The following TIMM13 variants were observed in gnomAD, a reference collection of about 807,000 sequenced individuals.
TIMM13 encodes translocase of inner mitochondrial membrane 13.
In TIMM13, 8 loss-of-function variants were observed where a neutral mutation model predicts 10.9. The observed-to-expected ratio is 0.73, with a 90% confidence interval of 0.43 to 1.32. The LOEUF is 1.32. TIMM13 is among the 40% of genes most tolerant of loss of function. The pLI is 0.01. For synonymous variants in TIMM13, 68 were observed against 52.5 expected, an observed-to-expected ratio of 1.30 and a Z score of -1.28; for missense variants, 147 against 132.8, an observed-to-expected ratio of 1.11 and a Z score of -0.53.
rs772769824 is a variant in TIMM13, at chr19:2,425,974, G to C, written c.*974C>G. Reference sequence around the variant, plus strand: ...CCTGCAGGGAGCCCTCTGGACGGTGGGTGCTAACTGGGGTCACTAGCTGGG... The same window carrying C: ...CCTGCAGGGAGCCCTCTGGACGGTGCGTGCTAACTGGGGTCACTAGCTGGG... On this transcript the variant is annotated 3_prime_UTR_variant, in exon 3 of 3. Coordinates refer to ENST00000215570, the MANE Select transcript of TIMM13 (RefSeq NM_012458.4). 5.6e-6 allele frequency: 9 copies of C among 1,607,242 alleles called. No homozygotes were observed. The Admixed American group carries it at 1.6e-4, about 28-fold the overall frequency.
rs1222600044 is a variant in TIMM13 at position 2,425,886 on chromosome 19, A to C, written c.*1062T>G. On this transcript the variant is annotated 3_prime_UTR_variant, in exon 3 of 3. Coordinates refer to ENST00000215570, the MANE Select transcript of TIMM13 (RefSeq NM_012458.4). ...AATGACCCAAGGGCTGCTGTAGGGGAGGTACCGGCCTCTGAACCCCCTTTC... is the reference window on the plus strand; with the variant it reads ...AATGACCCAAGGGCTGCTGTAGGGGCGGTACCGGCCTCTGAACCCCCTTTC... 6.5e-7 allele frequency: 1 copy of C among 1,545,814 alleles called. No individual in the cohort carries two copies. Among genetic ancestry groups the C allele is most frequent in the Non-Finnish European group, 8.7e-7 (1 of 1,153,540 alleles).
Position 2,426,884 on chromosome 19 carries a change from C to G in TIMM13, c.*64G>C, listed in dbSNP as rs1269143842. On this transcript the variant is annotated 3_prime_UTR_variant, in exon 3 of 3. Transcript: ENST00000215570. The stretch of plus-strand genomic sequence containing the variant: ...GCCCCGGGCAGGCAGTACGTACATG[C>G]GGACCCCGCCTCTCAAAGCACGTTT... 2 of 1,492,466 alleles carry G rather than the reference C, an allele frequency of 1.3e-6. No homozygotes were observed. Among genetic ancestry groups the G allele is most frequent in the East Asian group, 4.9e-5 (2 of 40,560 alleles). The allele number at this position is 1,492,466 out of a possible 1,614,324, so 92.5% of individuals were successfully genotyped here.
Position 2,426,179 on chromosome 19 carries a change from G to C in TIMM13, c.*769C>G. On this transcript the variant is annotated 3_prime_UTR_variant, in exon 3 of 3. Transcript: ENST00000215570. ...CCCCACCCCACCGTACCCTACCCAAGGACGGGTGTGGGGGGGCTGTGGGTC... is the reference window on the plus strand; with the variant it reads ...CCCCACCCCACCGTACCCTACCCAACGACGGGTGTGGGGGGGCTGTGGGTC... 1 of 1,015,044 alleles carries C rather than the reference G, an allele frequency of 9.9e-7. No individual in the cohort carries two copies. The allele number at this position is 1,015,044 out of a possible 1,614,324, so 62.9% of individuals were successfully genotyped here. A position where few individuals can be genotyped will look rare whatever the true frequency, so the allele number is the denominator to read the frequency against.
At position 2,427,332 on chromosome 19, in the gene TIMM13, G is replaced by A. The variant is rs763295752; in HGVS notation, c.121-8C>T. 1.2e-6 allele frequency: 2 copies of A among 1,613,276 alleles called. No individual in the cohort carries two copies. Among genetic ancestry groups the A allele is most frequent in the Non-Finnish European group, 1.7e-6 (2 of 1,179,782 alleles). On this transcript the variant is annotated splice_region_variant and splice_polypyrimidine_tract_variant and intron_variant, in intron 1 of 2. Coordinates refer to ENST00000215570, the MANE Select transcript of TIMM13 (RefSeq NM_012458.4). The stretch of plus-strand genomic sequence containing the variant: ...ACACTTGTCCGTCATCCTCTGTGGA[G>A]ACACGCGAGGCTTTAGCCGCGACGT...
Position 2,425,856 on chromosome 19 carries a change from G to A in TIMM13, c.*1092C>T. ...GAAGTCACTAGGGTCACTCCTAGAG[G>A]GGCCAATGACCCAAGGGCTGCTGTA... is the stretch of plus-strand genomic sequence containing the variant. On this transcript the variant is annotated 3_prime_UTR_variant, in exon 3 of 3. Transcript: ENST00000215570. 3.3e-6 allele frequency: 5 copies of A among 1,505,136 alleles called. No individual in the cohort carries two copies. Among genetic ancestry groups the A allele is most frequent in the South Asian group, 2.7e-5 (2 of 75,150 alleles). 93.2% of individuals were successfully genotyped at this position (1,505,136 alleles called of 1,614,324 possible). A position where few individuals can be genotyped will look rare whatever the true frequency, so the allele number is the denominator to read the frequency against.
Position 2,427,285 on chromosome 19 carries a change from G to A in TIMM13, c.160C>T (p.Pro54Ser). ...DKCFRKCIGK[P>S]GGSLDNSEQK... ...TCGGAGTTGTCCAGGGAGCCCCCAG[G>A]TTTCCCTATACACTTCCGGAAACAC... The change falls in exon 2 of 3, where the codon CCT becomes TCT. Residue 54 changes from proline to serine, a missense_variant. By Grantham distance (74) the Pro-to-Ser change is moderately conservative (BLOSUM62 -1). Transcript: ENST00000215570. The A allele has an allele frequency of 6.2e-7, 1 of 1,613,420 alleles. No homozygotes were observed. Among genetic ancestry groups the A allele is most frequent in the Non-Finnish European group, 8.5e-7 (1 of 1,179,824 alleles).
rs142721868 is a variant in TIMM13, at chr19:2,426,446, A to G, written c.*502T>C. On this transcript the variant is annotated 3_prime_UTR_variant, in exon 3 of 3. Transcript: ENST00000215570. ...CGTGACTCAGCAGCCCGGTGGCACT[A>G]AGGGGAAAGATGGACTTCTCCCAAC... 2,423 of 291,228 alleles carry G rather than the reference A, an allele frequency of 8.3e-3. 17 individuals are homozygous for G. Among genetic ancestry groups the G allele is most frequent in the Admixed American group, 0.015 (281 of 19,364 alleles). The allele number at this position is 291,228 out of a possible 1,614,324, so 18.0% of individuals were successfully genotyped here. A position where few individuals can be genotyped will look rare whatever the true frequency, so the allele number is the denominator to read the frequency against.
chr19:2,426,187 G>A lies in TIMM13; in HGVS notation c.*761C>T, dbSNP rs1010511923. The A allele has an allele frequency of 1.1e-6, 1 of 910,498 alleles. No individual in the cohort carries two copies. Among genetic ancestry groups the A allele is most frequent in the Non-Finnish European group, 1.4e-6 (1 of 701,264 alleles). The allele number at this position is 910,498 out of a possible 1,614,324, so 56.4% of individuals were successfully genotyped here. A position where few individuals can be genotyped will look rare whatever the true frequency, so the allele number is the denominator to read the frequency against. On this transcript the variant is annotated 3_prime_UTR_variant, in exon 3 of 3. Transcript: ENST00000215570. Reference sequence around the variant, plus strand: ...CACCGTACCCTACCCAAGGACGGGTGTGGGGGGGCTGTGGGTCATGGGGAT... The same window carrying A: ...CACCGTACCCTACCCAAGGACGGGTATGGGGGGGCTGTGGGTCATGGGGAT...
In TIMM13 at chr19:2,425,994, G is replaced by C. The variant is rs372105968; in HGVS notation, c.*954C>G. ...CGGTGGGTGCTAACTGGGGTCACTA[G>C]CTGGGGCTATGGCTGTGGCCGGCCC... is the stretch of plus-strand genomic sequence containing the variant. On this transcript the variant is annotated 3_prime_UTR_variant, in exon 3 of 3. Coordinates refer to ENST00000215570, the MANE Select transcript of TIMM13 (RefSeq NM_012458.4). 4.9e-5 allele frequency: 79 copies of C among 1,606,858 alleles called. No homozygotes were observed. The highest frequency in any genetic ancestry group is 6.1e-5 in the Non-Finnish European group (72 of 1,177,734).
In TIMM13 at chr19:2,426,156, C is replaced by T; in HGVS notation, c.*792G>A. 7.4e-7 allele frequency: 1 copy of T among 1,355,458 alleles called. No individual in the cohort carries two copies. Among genetic ancestry groups the T allele is most frequent in the East Asian group, 3.5e-5 (1 of 28,746 alleles). 84.0% of individuals were successfully genotyped at this position (1,355,458 alleles called of 1,614,324 possible). On this transcript the variant is annotated 3_prime_UTR_variant, in exon 3 of 3. Coordinates refer to ENST00000215570, the MANE Select transcript of TIMM13 (RefSeq NM_012458.4). ...CAGGAGCAGCAGGCCACCCAACACC[C>T]CACCCCACCGTACCCTACCCAAGGA...
chr19:2,427,057 G>A lies in TIMM13; in HGVS notation c.190-11C>T, dbSNP rs780945787. On this transcript the variant is annotated splice_polypyrimidine_tract_variant and intron_variant, in intron 2 of 2. Coordinates refer to ENST00000215570, the MANE Select transcript of TIMM13 (RefSeq NM_012458.4). ...CATGGCGATGCACTTCTGCGGGAGC[G>A]GAGGGGCGCACGGCTCAGCTCGGGA... The A allele has an allele frequency of 3.1e-6, 5 of 1,606,716 alleles. No individual in the cohort carries two copies. In the South Asian group the frequency reaches 5.5e-5, roughly 18 times the overall value.
intron 2 of TIMM13, 75 bp from the exon 3 acceptor site, chr19:2,427,121 G>A (rs756272838): frequency 3.7e-5 from 59 of 1,578,048 alleles, no homozygotes; most frequent in Non-Finnish European, 4.8e-5. Context: ...CCGGCTCCAG[G>A]ACGCCCGGGC....
At position 2,426,048 on chromosome 19, in the gene TIMM13, C is replaced by T. The variant is rs754027368; in HGVS notation, c.*900G>A. Reference sequence around the variant, plus strand: ...TTCCCAGGTGTCTATACCCGGGTGGCAGCTGTGAGAGGCTGGATAGGACAG... The same window carrying T: ...TTCCCAGGTGTCTATACCCGGGTGGTAGCTGTGAGAGGCTGGATAGGACAG... On this transcript the variant is annotated 3_prime_UTR_variant, in exon 3 of 3. Transcript: ENST00000215570. 1 of 1,609,510 alleles carries T rather than the reference C, an allele frequency of 6.2e-7. No homozygotes were observed. The highest frequency in any genetic ancestry group is 1.7e-5 in the Admixed American group (1 of 59,342).
rs748151496 is a variant in TIMM13 at position 2,427,060 on chromosome 19, G to C, written c.190-14C>G. The C allele has an allele frequency of 1.4e-5, 23 of 1,606,314 alleles. No homozygotes were observed. Among genetic ancestry groups the C allele is most frequent in the Admixed American group, 1.3e-4 (8 of 59,318 alleles). The stretch of plus-strand genomic sequence containing the variant: ...GGCGATGCACTTCTGCGGGAGCGGA[G>C]GGGCGCACGGCTCAGCTCGGGACTT... On this transcript the variant is annotated splice_polypyrimidine_tract_variant and intron_variant, in intron 2 of 2. Coordinates refer to ENST00000215570, the MANE Select transcript of TIMM13 (RefSeq NM_012458.4).
chr19:2,427,212 T>C (rs767025495), intron 2 of TIMM13, 44 bp downstream of exon 2: 1 of 1,606,076 alleles, frequency 6.2e-7, no homozygotes, highest in Non-Finnish European at 8.5e-7. Context: ...CCCCCTCGAA[T>C]CTAGGCCCTC....
Position 2,426,414 on chromosome 19 carries a change from C to T in TIMM13, c.*534G>A, listed in dbSNP as rs1034427653. The T allele has an allele frequency of 1.2e-5, 4 of 334,184 alleles. No individual in the cohort carries two copies. Among genetic ancestry groups the T allele is most frequent in the African/African-American group, 2.2e-5 (1 of 44,954 alleles). The allele number at this position is 334,184 out of a possible 1,614,324, so 20.7% of individuals were successfully genotyped here. On this transcript the variant is annotated 3_prime_UTR_variant, in exon 3 of 3. Coordinates refer to ENST00000215570, the MANE Select transcript of TIMM13 (RefSeq NM_012458.4). ...TGGGGCAGGGGTGGCAGCAGCAACA[C>T]ATTCCTCGTGACTCAGCAGCCCGGT...
chr19:2,425,727 G>A lies in TIMM13; in HGVS notation c.*1221C>T, dbSNP rs1971607056. On this transcript the variant is annotated 3_prime_UTR_variant, in exon 3 of 3. Transcript: ENST00000215570. The stretch of plus-strand genomic sequence containing the variant: ...CGGCAGAGCAGGCAGAGGCTGCAGT[G>A]GGAGGCACCGTTCCACTCCGGGACC... The A allele has an allele frequency of 2.6e-6, 3 of 1,141,974 alleles. No homozygotes were observed. Among genetic ancestry groups the A allele is most frequent in the Non-Finnish European group, 3.6e-6 (3 of 843,234 alleles). The allele number at this position is 1,141,974 out of a possible 1,614,324, so 70.7% of individuals were successfully genotyped here.
At position 2,425,975 on chromosome 19, in the gene TIMM13, G is replaced by A. The variant is rs1005208420; in HGVS notation, c.*973C>T. 1 of 1,608,174 alleles carries A rather than the reference G, an allele frequency of 6.2e-7. No individual in the cohort carries two copies. The highest frequency in any genetic ancestry group is 8.5e-7 in the Non-Finnish European group (1 of 1,178,178). ...CTGCAGGGAGCCCTCTGGACGGTGG[G>A]TGCTAACTGGGGTCACTAGCTGGGG... On this transcript the variant is annotated 3_prime_UTR_variant, in exon 3 of 3. Transcript: ENST00000215570.
intron 2 of TIMM13, 90 bp downstream of exon 2, chr19:2,427,166 C>A: frequency 6.3e-7 from 1 of 1,575,186 alleles, no homozygotes; most frequent in Non-Finnish European, 8.6e-7. Context: ...CACTCCGTCG[C>A]ACCTCCCCGT....
Sources: allele counts gnomAD v4.1 joint callset, GRCh38; gene constraint gnomAD v4.1.1; transcripts MANE v1.5; gene names NCBI Gene and HGNC (gene_info 2026-07-23, HGNC 2026-07-21).